The following TIMM23 variants were observed in gnomAD, a reference collection of about 807,000 sequenced individuals.
TIMM23 encodes the protein translocase of inner mitochondrial membrane 23, also known as mitochondrial import inner membrane translocase subunit Tim23.
TIMM23 carries 19 observed loss-of-function variants against 30.7 expected under a neutral mutation model. The observed-to-expected ratio is 0.62, with a 90% CI of 0.43 to 0.91. The LOEUF (loss-of-function observed/expected upper bound fraction) is 0.91, where lower values mean the gene tolerates loss of function less well. Ranked by LOEUF, TIMM23 falls within the 40% of genes least tolerant of loss-of-function variation. TIMM23 has a pLI of 0.00. For missense variants in TIMM23, 202 were observed against 269.2 expected (o/e 0.75, Z 1.75); for synonymous variants, 78 against 98.5 (o/e 0.79, Z 1.23).
intron 3 of TIMM23, 76 bp downstream of exon 3, chr10:45,982,692 A>G (rs1837881648): frequency 1.3e-6 from 2 of 1,590,608 alleles, no homozygotes; most frequent in African/African-American, 1.4e-5. Flanking sequence ...AAGCAATTAG[A>G]ATGTTGGTTT....
intron 5 of TIMM23, among the ~76,000 whole-genome samples, chr10:45,988,100 A>G (rs1490746269): frequency 6.6e-6 from 1 of 152,136 alleles, no homozygotes; most frequent in Admixed American, 6.6e-5. Context: ...GCTGTCCAGA[A>G]AGTCCTCCGA....
At chr10:45,995,047 A>C (rs71250787) in intron 6 of TIMM23, among the ~76,000 whole-genome samples, 69,007 of 150,506 alleles carry the variant, frequency 0.46, 16,606 homozygotes, top group Admixed American at 0.57. Flanking sequence ...GTGTGAGTCC[A>C]TGTTGGAATT....
intron 6 of TIMM23, chr10:45,992,359 G>A: frequency 2.2e-6 from 1 of 454,204 alleles, no homozygotes; most frequent in South Asian, 1.6e-5. Context: ...TTTTCTGTGG[G>A]TGGGAGGAAT....
intron 3 of TIMM23, 113 bp downstream of exon 3, chr10:45,982,729 T>G: frequency 1.9e-6 from 3 of 1,562,734 alleles, no homozygotes; most frequent in Non-Finnish European, 2.6e-6. Flanking sequence ...ATATTTACAT[T>G]TGTCTTTTTC....
chr10:45,984,747 G>C (rs2132258111), intron 4 of TIMM23: 1 of 376,768 alleles, frequency 2.7e-6, no homozygotes, highest in Admixed American at 2.7e-5. Flanking sequence ...GCAGAACTGT[G>C]CTTCCTTGAG....
chr10:45,987,855 C>T (rs28602713), intron 5 of TIMM23, among the ~76,000 whole-genome samples: 1 of 151,994 alleles, frequency 6.6e-6, no homozygotes, highest in Non-Finnish European at 1.5e-5. Context: ...CTCCTGGGCT[C>T]ATGTGATCTT....
intron 6 of TIMM23, among the ~76,000 whole-genome samples, chr10:45,991,486 T>TCATGCCTGTAATCC (rs1346679251): frequency 6.6e-6 from 1 of 152,182 alleles, no homozygotes; most frequent in African/African-American, 2.4e-5. Flanking sequence ...GCACGGTGGC[T>TCATGCCTGTAATCC]CATGCCTGTA....
chr10:46,001,215 A>AACT (rs1308492955), intron 6 of TIMM23, among the ~76,000 whole-genome samples: 1 of 152,212 alleles, frequency 6.6e-6, no homozygotes, highest in African/African-American at 2.4e-5. Flanking sequence ...ACCACATTGA[A>AACT]TACAGTTGGA....
At chr10:45,974,163 G>GT (rs1432099968) in intron 1 of TIMM23, among the ~76,000 whole-genome samples, 153 of 150,626 alleles carry the variant, frequency 1.0e-3, no homozygotes, top group African/African-American at 2.0e-3. Context: ...TTTTGTGGGG[G>GT]TTTTTTTTGT....
chr10:45,999,183 C>T (rs1838441622), intron 6 of TIMM23, among the ~76,000 whole-genome samples: 1 of 151,516 alleles, frequency 6.6e-6, no homozygotes, highest in Admixed American at 6.6e-5. Flanking sequence ...CTTTGTTGCC[C>T]AGGCTGAAGT....
intron 5 of TIMM23, among the ~76,000 whole-genome samples, chr10:45,986,817 G>A (rs1451205423): frequency 2.0e-5 from 3 of 151,666 alleles, no homozygotes; most frequent in Non-Finnish European, 2.9e-5. Flanking sequence ...GTGTGTGTGT[G>A]TGTGTGTATG....
chr10:45,976,244 A>T (rs1837668746), intron 2 of TIMM23, among the ~76,000 whole-genome samples: 1 of 151,600 alleles, frequency 6.6e-6, no homozygotes, highest in East Asian at 1.9e-4. Context: ...AATATAGTAC[A>T]AAGACCACAT....
At chr10:45,998,641 C>CT (rs1366483161) in intron 6 of TIMM23, among the ~76,000 whole-genome samples, 1 of 152,082 alleles carries the variant, frequency 6.6e-6, no homozygotes, top group Non-Finnish European at 1.5e-5. Context: ...AAAGGCCACC[C>CT]TTGAGTAAAG....
At chr10:45,992,286 A>G in intron 6 of TIMM23, 4 of 443,894 alleles carry the variant, frequency 9.0e-6, no homozygotes, top group Admixed American at 7.4e-5. Context: ...TTGACTCCCC[A>G]TAGTACTGTG....
At chr10:45,988,639 TTA>T in intron 5 of TIMM23, 96 bp from the exon 6 acceptor site, 1 of 814,122 alleles carries the variant, frequency 1.2e-6, no homozygotes, top group Non-Finnish European at 2.2e-6. Context: ...GCTATGGGAG[TTA>T]TGAGCTAGGA....
chr10:45,982,460 G>T, intron 2 of TIMM23, 63 bp from the exon 3 acceptor site: 4 of 1,550,932 alleles, frequency 2.6e-6, no homozygotes, highest in African/African-American at 1.4e-5. Context: ...TGTTAAAAAG[G>T]CAACTTTACA....
Position 45,986,423 on chromosome 10 carries a change from C to T in TIMM23, c.403+982C>T, listed in dbSNP as rs1319592534. ...TGTTCCAATAATCACCCCCCGCCCA[C>T]CCCGCCCCACAGTCCTGGACAAACT... On this transcript the variant is annotated intron_variant, in intron 5 of 6. Coordinates refer to ENST00000580018, the MANE Select transcript of TIMM23 (RefSeq NM_006327.4). 8.6e-4 allele frequency among the ~76,000 whole-genome samples: 129 copies of T among 149,214 alleles called. 2 individuals are homozygous for T. The East Asian group carries it at 0.023, about 27-fold the overall frequency.
intron 6 of TIMM23, among the ~76,000 whole-genome samples, chr10:45,998,831 CTTTTT>C (rs35752006): frequency 3.2e-5 from 4 of 125,202 alleles, no homozygotes; most frequent in Admixed American, 8.3e-5. Flanking sequence ...TCCCAAATAT[CTTTTT>C]TTTTTTTTTT....
intron 6 of TIMM23, among the ~76,000 whole-genome samples, chr10:45,996,871 G>A (rs1838350962): frequency 6.6e-6 from 1 of 151,486 alleles, no homozygotes; most frequent in Non-Finnish European, 1.5e-5. Flanking sequence ...AGGCTGAGAT[G>A]GGAGAATCAC....
Sources: gnomAD v4.1 joint callset for allele counts (sites outside exome capture counted in the v4.1 genomes callset) on GRCh38, gnomAD v4.1.1 for gene constraint, MANE v1.5 for transcripts, NCBI Gene and HGNC (gene_info 2026-07-23, HGNC 2026-07-21) for gene names.